Variants in CAMTA1 observed in about 807,000 individuals in gnomAD.
CAMTA1 encodes calmodulin-binding transcription activator 1.
A neutral mutation model predicts 170.9 loss-of-function variants in CAMTA1; 27 were observed. The ratio of observed to expected loss-of-function variants is 0.16; its 90% CI spans 0.12 to 0.22. The LOEUF is 0.22. CAMTA1 is among the 10% of genes least tolerant of loss of function. The pLI is 1.00. For synonymous variants in CAMTA1, 833 were observed against 891.5 expected (o/e 0.93, Z 1.17); for missense variants, 1,619 against 2,217.2 (o/e 0.73, Z 5.42).
chr1:7,533,678 C>T (rs572061479), intron 6 of CAMTA1, among the ~76,000 whole-genome samples: 9 of 152,120 alleles, frequency 5.9e-5, no homozygotes, highest in Admixed American at 2.6e-4. Flanking sequence ...TTTGGGAGGT[C>T]GAAGTGGGCA....
At chr1:6,944,163 G>C (rs545385340) in intron 3 of CAMTA1, among the ~76,000 whole-genome samples, 1 of 152,238 alleles carries the variant, frequency 6.6e-6, no homozygotes, top group East Asian at 1.9e-4. Flanking sequence ...TTAGCACAAG[G>C]TCCTCAGGGT....
chr1:7,660,864 G>C (rs11120997), intron 7 of CAMTA1, among the ~76,000 whole-genome samples: 29,882 of 152,222 alleles, frequency 0.2, 3,287 homozygotes, highest in Middle Eastern at 0.3. Context: ...GGCCCCACTA[G>C]AGACAGCTGG....
intron 3 of CAMTA1, among the ~76,000 whole-genome samples, chr1:7,018,947 G>A (rs1445738751): frequency 6.6e-6 from 1 of 152,150 alleles, no homozygotes; most frequent in Non-Finnish European, 1.5e-5. Flanking sequence ...CTGCAGAGGG[G>A]CCCGAAGAGA....
chr1:7,516,196 G>A (rs1258430918), intron 6 of CAMTA1, among the ~76,000 whole-genome samples: 1 of 152,234 alleles, frequency 6.6e-6, no homozygotes, highest in African/African-American at 2.4e-5. Flanking sequence ...GTTTTGTTTG[G>A]AACTTAAAAC....
At chr1:7,715,563 G>A (rs755500377) in intron 11 of CAMTA1, among the ~76,000 whole-genome samples, 7 of 152,018 alleles carry the variant, frequency 4.6e-5, no homozygotes, top group African/African-American at 1.5e-4. Flanking sequence ...CTCCCAAAGC[G>A]CTGGGATTAC....
intron 4 of CAMTA1, among the ~76,000 whole-genome samples, chr1:7,238,300 A>T (rs966269939): frequency 6.6e-6 from 1 of 152,160 alleles, no homozygotes; most frequent in Non-Finnish European, 1.5e-5. Context: ...AATGGGCTGA[A>T]GTCAGATAGT....
chr1:7,496,628 G>A (rs145656956), intron 6 of CAMTA1, among the ~76,000 whole-genome samples: 63 of 152,312 alleles, frequency 4.1e-4, no homozygotes, highest in Non-Finnish European at 4.7e-4. Context: ...CTTATCTGGT[G>A]TTGGCTATAA....
At chr1:7,488,490 AATACACACACACGCAC>A (rs1277686280) in intron 6 of CAMTA1, among the ~76,000 whole-genome samples, 6 of 152,006 alleles carry the variant, frequency 3.9e-5, no homozygotes, top group Non-Finnish European at 5.9e-5. Context: ...ACACACACAC[AATACACACACACGCAC>A]ATACACACAC....
intron 5 of CAMTA1, among the ~76,000 whole-genome samples, chr1:7,373,468 C>T (rs185346826): frequency 1.1e-3 from 161 of 152,264 alleles, no homozygotes; most frequent in Non-Finnish European, 2.0e-3. Context: ...CTCAGTCCAC[C>T]GCCTCTCCCC....
In CAMTA1 at chr1:7,064,089, T is replaced by G. The variant is rs936701666; in HGVS notation, c.235-27215T>G. On this transcript the variant is annotated intron_variant, in intron 3 of 22. Coordinates refer to ENST00000303635, the MANE Select transcript of CAMTA1 (RefSeq NM_015215.4). The surrounding 1 kb of genome is among the most constrained non-coding windows in gnomAD (Gnocchi z 5.4). ...ACCTTCTCCTCCTCCTCCTCCTCCT[T>G]CTTCTCCTCCTTCTCTCCTTCCCTC... Among the ~76,000 whole-genome samples, 2 of 150,116 alleles carry G rather than the reference T, an allele frequency of 1.3e-5. No homozygotes were observed. Among genetic ancestry groups the G allele is most frequent in the Non-Finnish European group, 3.0e-5 (2 of 67,444 alleles).
intron 6 of CAMTA1, among the ~76,000 whole-genome samples, chr1:7,573,727 G>C (rs2095153447): frequency 6.6e-6 from 1 of 152,120 alleles, no homozygotes; most frequent in South Asian, 2.1e-4. Context: ...TTGCATCTAG[G>C]ACCACTCTAC....
At chr1:7,219,225 G>A (rs1297920250) in intron 4 of CAMTA1, 2 of 151,246 alleles carry the variant, frequency 1.3e-5, no homozygotes, top group Non-Finnish European at 2.9e-5. Context: ...TGTGTTTACG[G>A]TTGGACTCAA....
Position 7,533,645 on chromosome 1 carries a change from G to T in CAMTA1, c.510+65744G>T, listed in dbSNP as rs545268808. Among the ~76,000 whole-genome samples the T allele has an allele frequency of 2.0e-5, 3 of 152,286 alleles. No homozygotes were observed. The South Asian group carries it at 6.2e-4, about 32-fold the overall frequency. ...TAGAAAACGTCGGCCGGGCACGGTG[G>T]CTCACGCCTGTAATCCCAGCACTTT... is the stretch of plus-strand genomic sequence containing the variant. On this transcript the variant is annotated intron_variant, in intron 6 of 22. Transcript: ENST00000303635.
intron 5 of CAMTA1, among the ~76,000 whole-genome samples, chr1:7,462,745 A>AG (rs1307134461): frequency 6.6e-6 from 1 of 152,140 alleles, no homozygotes; most frequent in African/African-American, 2.4e-5. Flanking sequence ...CTGCCCTGGC[A>AG]GGGACCTAGT....
intron 6 of CAMTA1, among the ~76,000 whole-genome samples, chr1:7,566,491 C>A (rs1289545860): frequency 6.6e-6 from 1 of 152,122 alleles, no homozygotes; most frequent in African/African-American, 2.4e-5. Flanking sequence ...TCCCACCAGC[C>A]CCTGCCTCGC....
intron 6 of CAMTA1, among the ~76,000 whole-genome samples, chr1:7,576,010 T>G (rs1175663114): frequency 6.6e-6 from 1 of 152,018 alleles, no homozygotes; most frequent in African/African-American, 2.4e-5. Context: ...AGTTTTGTTT[T>G]GTTTTGTTTT....
chr1:6,878,919 T>G (rs1233359704), intron 3 of CAMTA1, among the ~76,000 whole-genome samples: 2 of 152,212 alleles, frequency 1.3e-5, no homozygotes, highest in Admixed American at 1.3e-4. Context: ...CAAGTATGTT[T>G]TTACCACCTA....
At chr1:7,437,819 C>T (rs1006802236) in intron 5 of CAMTA1, among the ~76,000 whole-genome samples, 7 of 152,228 alleles carry the variant, frequency 4.6e-5, no homozygotes, top group South Asian at 2.1e-4. Flanking sequence ...TCAGCGAGTA[C>T]GACCGGCTCC....
In CAMTA1 at chr1:7,534,947, G is replaced by A. The variant is rs2094531788; in HGVS notation, c.510+67046G>A. Among the ~76,000 whole-genome samples, 1 of 152,156 alleles carries A rather than the reference G, an allele frequency of 6.6e-6. No homozygotes were observed. Among genetic ancestry groups the A allele is most frequent in the Non-Finnish European group, 1.5e-5 (1 of 68,014 alleles). On this transcript the variant is annotated intron_variant, in intron 6 of 22. Transcript: ENST00000303635. The surrounding 1 kb of genome is among the most constrained non-coding windows in gnomAD (Gnocchi z 5.6). ...AGAAGGAAAGAAAGTGGAGGGCAGA[G>A]GGAAGGGAAGAGGAGGGGAAGGGAG...
Sources: gnomAD v4.1 joint callset for allele counts (sites outside exome capture counted in the v4.1 genomes callset) on GRCh38, gnomAD v4.1.1 for gene constraint, Gnocchi (gnomAD v3.1) non-coding constraint, MANE v1.5 for transcripts, NCBI Gene and HGNC (gene_info 2026-07-23, HGNC 2026-07-21) for gene names.